RELCH: variants seen among roughly 807,000 people sequenced by gnomAD.
RELCH encodes the protein RAB11-binding protein RELCH.
A neutral mutation model predicts 150.3 loss-of-function variants in RELCH; 41 were observed. The ratio of observed to expected loss-of-function variants is 0.27; its 90% CI spans 0.21 to 0.35. RELCH has a LOEUF of 0.35. RELCH is among the 10% of genes least tolerant of loss of function. The pLI, the probability that RELCH is intolerant of heterozygous loss-of-function variation, is 1.00. For synonymous variants in RELCH, 478 were observed against 531.8 expected (o/e 0.90, Z 1.39); for missense variants, 1,092 against 1,467.8 (o/e 0.74, Z 4.18).
At position 62,298,855 on chromosome 18, in the gene RELCH, T is replaced by G; in HGVS notation, c.3525T>G (p.Pro1175=). 1 of 1,558,200 alleles carries G rather than the reference T, an allele frequency of 6.4e-7. No individual in the cohort carries two copies. The highest frequency in any genetic ancestry group is 8.8e-7 in the Non-Finnish European group (1 of 1,138,786). ...TTGAAAACAAGACCGTCCAAGAGCC[T>G]CAAGGGTAAGACATTAATTCTTTTT... The part of the protein sequence containing the change: ...QKVENKTVQE[P]QGSMSIAASL... Residue 1175 remains proline (P), a synonymous_variant, in exon 28 of 29, where the codon CCT becomes CCG. Transcript: ENST00000644646.
chr18:62,273,515 T>A (rs924968309), intron 20 of RELCH, among the ~76,000 whole-genome samples: 1 of 152,104 alleles, frequency 6.6e-6, no homozygotes, highest in Non-Finnish European at 1.5e-5. Context: ...GGAACAAAAA[T>A]TCGTAAGGTA....
chr18:62,254,173 A>C (rs9957576), intron 12 of RELCH, among the ~76,000 whole-genome samples: 4,373 of 152,120 alleles, frequency 0.029, 159 homozygotes, highest in East Asian at 0.18. Context: ...GAATCTATAG[A>C]TTTATCTAGA....
intron 2 of RELCH, among the ~76,000 whole-genome samples, chr18:62,219,325 C>CTTTTTTTTT (rs202196452): frequency 8.3e-3 from 929 of 112,318 alleles, no homozygotes; most frequent in East Asian, 0.015. Context: ...TTCTTTTTTT[C>CTTTTTTTTT]TTTTTTTTTT....
rs772421938 is a variant in RELCH, at chr18:62,187,690, C to G, written c.185C>G (p.Ala62Gly). The G allele has an allele frequency of 1.3e-6, 2 of 1,589,220 alleles. No individual in the cohort carries two copies. The highest frequency in any genetic ancestry group is 1.7e-6 in the Non-Finnish European group (2 of 1,164,304). ...AGSLSPQDPV[A>G]LGSSARPGLP... ...TCGCTGTCGCCACAGGATCCCGTGG[C>G]CTTAGGAAGCAGTGCGCGGCCAGGG... is the stretch of plus-strand genomic sequence containing the variant. The change falls in exon 1 of 29, where the codon GCC becomes GGC. Residue 62 changes from alanine to glycine, a missense_variant. Transcript: ENST00000644646.
intron 27 of RELCH, among the ~76,000 whole-genome samples, chr18:62,292,063 C>G (rs148905532): frequency 6.6e-6 from 1 of 152,256 alleles, no homozygotes; most frequent in East Asian, 1.9e-4. Flanking sequence ...TCTGTATCTT[C>G]AACCTATTTT....
At chr18:62,273,029 T>C (rs532238322) in intron 20 of RELCH, among the ~76,000 whole-genome samples, 1 of 151,052 alleles carries the variant, frequency 6.6e-6, no homozygotes, top group South Asian at 2.1e-4. Context: ...CTAACCTGAT[T>C]ATGTAGCAAA....
At chr18:62,191,923 G>C (rs1006562955) in intron 1 of RELCH, among the ~76,000 whole-genome samples, 2 of 152,190 alleles carry the variant, frequency 1.3e-5, no homozygotes, top group African/African-American at 4.8e-5. Flanking sequence ...TAATGGGATT[G>C]CTGGGTCAAA....
At position 62,228,160 on chromosome 18, in the gene RELCH, A is replaced by G. The variant is rs978150075; in HGVS notation, c.1155-145A>G. The G allele has an allele frequency of 2.9e-5, 19 of 644,296 alleles. No individual in the cohort carries two copies. In the Middle Eastern group the frequency reaches 1.1e-3, roughly 37 times the overall value. The allele number at this position is 644,296 out of a possible 1,614,324, so 39.9% of individuals were successfully genotyped here. A position where few individuals can be genotyped will look rare whatever the true frequency, so the allele number is the denominator to read the frequency against. ...TATATGAAGCATCAGTGAATATTGC[A>G]TAAAAAAGATTTATTACTTGCCAAT... is the stretch of plus-strand genomic sequence containing the variant. On this transcript the variant is annotated intron_variant, in intron 7 of 28. Transcript: ENST00000644646.
At chr18:62,213,500 C>T (rs1461831610) in intron 2 of RELCH, among the ~76,000 whole-genome samples, 2 of 151,944 alleles carry the variant, frequency 1.3e-5, no homozygotes, top group Non-Finnish European at 1.5e-5. Flanking sequence ...GAGGCAGAGG[C>T]GGGTCGATCA....
intron 12 of RELCH, 118 bp from the exon 13 acceptor site, chr18:62,255,289 T>C (rs1214034602): frequency 2.7e-6 from 2 of 751,890 alleles, no homozygotes; most frequent in Non-Finnish European, 4.6e-6. Context: ...TTCCCAGAAG[T>C]GGAAAAGGAA....
chr18:62,220,575 T>A (rs1230918897), intron 2 of RELCH, among the ~76,000 whole-genome samples: 1 of 151,792 alleles, frequency 6.6e-6, no homozygotes, highest in East Asian at 1.9e-4. Context: ...TTAAGTTAAC[T>A]TTTGTAAAAA....
At chr18:62,271,418 A>G (rs1028409181) in intron 20 of RELCH, among the ~76,000 whole-genome samples, 10 of 149,110 alleles carry the variant, frequency 6.7e-5, no homozygotes, top group Non-Finnish European at 1.3e-4. Flanking sequence ...CATATGCTTC[A>G]CACACTTTTT....
intron 21 of RELCH, 68 bp downstream of exon 21, chr18:62,274,154 A>G: frequency 2.1e-6 from 2 of 972,476 alleles, no homozygotes; most frequent in South Asian, 1.4e-5. Flanking sequence ...TATAGAGTAC[A>G]TATTTTAAGT....
At chr18:62,209,988 C>T (rs892652739) in intron 1 of RELCH, among the ~76,000 whole-genome samples, 3 of 152,066 alleles carry the variant, frequency 2.0e-5, no homozygotes, top group Non-Finnish European at 2.9e-5. Flanking sequence ...TCATTTGTTA[C>T]GTCTAATGTT....
intron 20 of RELCH, among the ~76,000 whole-genome samples, chr18:62,271,300 G>A (rs2043887859): frequency 1.3e-5 from 2 of 152,270 alleles, no homozygotes; most frequent in African/African-American, 4.8e-5. Context: ...GGTGTGAGAT[G>A]GTATCTCATT....
At position 62,187,976 on chromosome 18, in the gene RELCH, C is replaced by G. The variant is rs778381635; in HGVS notation, c.471C>G (p.Gly157=). The G allele has an allele frequency of 1.3e-6, 2 of 1,599,522 alleles. No homozygotes were observed. Among genetic ancestry groups the G allele is most frequent in the Non-Finnish European group, 1.7e-6 (2 of 1,173,966 alleles). Residue 157 remains glycine, a synonymous_variant, in exon 1 of 29, where the codon GGC becomes GGG. Transcript: ENST00000644646. ...CGCCAGGGGTCCCTGGAGCAGCCGG[C>G]GTTGGGGGCGCTGGAGGTCGGGAAC... ...MGAPGVPGAA[G]VGGAGGREPS... is the part of the protein sequence containing the mutation.
Position 62,187,427 on chromosome 18 carries a change from G to A in RELCH, c.-79G>A. 7.2e-7 allele frequency: 1 copy of A among 1,387,646 alleles called. No homozygotes were observed. The highest frequency in any genetic ancestry group is 1.7e-5 in the South Asian group (1 of 59,326). 86.0% of individuals were successfully genotyped at this position (1,387,646 alleles called of 1,614,324 possible). On this transcript the variant is annotated 5_prime_UTR_variant, in exon 1 of 29. Transcript: ENST00000644646. The stretch of plus-strand genomic sequence containing the variant: ...GGCCGGGGCTGTGGAGGTGCGCTGT[G>A]TCCCCTGAGGCCTAGAGGATTCGGG...
rs557770807 is a variant in RELCH at position 62,244,892 on chromosome 18, T to C, written c.1733+16T>C. 1.5e-5 allele frequency: 22 copies of C among 1,495,360 alleles called. No homozygotes were observed. The highest frequency in any genetic ancestry group is 1.9e-5 in the Non-Finnish European group (20 of 1,072,170). 92.6% of individuals were successfully genotyped at this position (1,495,360 alleles called of 1,614,324 possible). On this transcript the variant is annotated intron_variant, in intron 11 of 28. Transcript: ENST00000644646. The stretch of plus-strand genomic sequence containing the variant: ...ATGAGCAAAGGTGGGTATGATTACA[T>C]ATGTGAAAAAGAAATACAATGTGAC...
At chr18:62,282,818 C>T (rs575689482) in intron 25 of RELCH, among the ~76,000 whole-genome samples, 9 of 152,154 alleles carry the variant, frequency 5.9e-5, no homozygotes, top group Admixed American at 3.3e-4. Flanking sequence ...CCACCATGCC[C>T]GGCTAATTTT....
Sources: gnomAD v4.1 joint callset for allele counts (sites outside exome capture counted in the v4.1 genomes callset) on GRCh38, gnomAD v4.1.1 for gene constraint, MANE v1.5 for transcripts, NCBI Gene and HGNC (gene_info 2026-07-23, HGNC 2026-07-21) for gene names.